GRID2IP: variants seen among roughly 807,000 people sequenced by gnomAD.
The protein encoded by GRID2IP is delphilin.
In GRID2IP, 78 loss-of-function variants were observed where a neutral mutation model predicts 114.3. The observed-to-expected ratio is 0.68, with a 90% CI of 0.57 to 0.82. The LOEUF is 0.82. GRID2IP is among the 40% of genes least tolerant of loss of function. GRID2IP has a pLI of 0.00. For synonymous variants in GRID2IP, 809 were observed against 724.0 expected (o/e 1.12, Z -1.89); for missense variants, 1,727 against 1,678.5 (o/e 1.03, Z -0.51).
intron 8 of GRID2IP, among the ~76,000 whole-genome samples, chr7:6,511,739 T>C (rs1304945166): frequency 6.6e-6 from 1 of 152,136 alleles, no homozygotes; most frequent in Non-Finnish European, 1.5e-5. Flanking sequence ...GATCCTGAGC[T>C]TCTCGCTAAA....
intron 1 of GRID2IP, among the ~76,000 whole-genome samples, chr7:6,544,143 C>T (rs1403999637): frequency 6.6e-6 from 1 of 152,066 alleles, no homozygotes; most frequent in African/African-American, 2.4e-5. Context: ...CACTTGCTTA[C>T]TGTCTCTTTC....
intron 2 of GRID2IP, among the ~76,000 whole-genome samples, chr7:6,535,527 TA>T (rs1779710616): frequency 6.6e-6 from 1 of 152,132 alleles, no homozygotes; most frequent in African/African-American, 2.4e-5. Flanking sequence ...CACACGTGTA[TA>T]TTTTTTTGCC....
chr7:6,545,088 A>G (rs1372620303), intron 1 of GRID2IP, among the ~76,000 whole-genome samples: 1 of 152,058 alleles, frequency 6.6e-6, no homozygotes, highest in Non-Finnish European at 1.5e-5. Context: ...CTCCATCTCA[A>G]AAGAAAAAAA....
At chr7:6,518,080 T>A (rs1311463985) in intron 7 of GRID2IP, among the ~76,000 whole-genome samples, 3 of 148,766 alleles carry the variant, frequency 2.0e-5, no homozygotes, top group Non-Finnish European at 4.5e-5. Context: ...AAAAAAAAAA[T>A]TAGCTGGGCA....
rs542474445 is a variant in GRID2IP at position 6,496,921 on chromosome 7, G to C, written c.*853C>G. 7.2e-5 allele frequency among the ~76,000 whole-genome samples: 11 copies of C among 152,102 alleles called. No homozygotes were observed. The South Asian group carries it at 2.1e-3, about 29-fold the overall frequency. ...CTATATGCCTAGGCACATGTAAAATGACCATTTGGGTCCCAAACACATCCC... is the reference window on the plus strand; with the variant it reads ...CTATATGCCTAGGCACATGTAAAATCACCATTTGGGTCCCAAACACATCCC... On this transcript the variant is annotated 3_prime_UTR_variant, in exon 22 of 22. Transcript: ENST00000457091.
At position 6,507,228 on chromosome 7, in the gene GRID2IP, G is replaced by C. The variant is rs112219350; in HGVS notation, c.2544+757C>G. 6.6e-6 allele frequency among the ~76,000 whole-genome samples: 1 copy of C among 152,216 alleles called. No individual in the cohort carries two copies. The highest frequency in any genetic ancestry group is 1.5e-5 in the Non-Finnish European group (1 of 68,036). On this transcript the variant is annotated intron_variant, in intron 13 of 21. Transcript: ENST00000457091. The surrounding 1 kb of genome is among the most constrained non-coding windows in gnomAD (Gnocchi z 5.3). ...GAAGGAGCCCCTGCCATATTAAAAG[G>C]AGTATGATGTCCCAGTCAAAGGAGC...
Position 6,503,106 on chromosome 7 carries a change from G to C in GRID2IP, c.2965C>G (p.Leu989Val), listed in dbSNP as rs1011611962. The C allele has an allele frequency of 4.6e-5, 72 of 1,550,594 alleles. No individual in the cohort carries two copies. The highest frequency in any genetic ancestry group is 7.9e-5 in the Admixed American group (4 of 50,806). The stretch of plus-strand genomic sequence containing the variant: ...CGGATCTCCTCTGTCTTCTCCTGGA[G>C]GGTGGCCTGGAAGTGGAGGCTGCGC... Reference protein sequence around the residue: ...RLRSLHFQATLQEKTEEIRGS... With the variant: ...RLRSLHFQATVQEKTEEIRGS... Residue 989 changes from leucine to valine, a missense_variant, in exon 17 of 22, where the codon CTC (leucine) becomes GTC (valine). Coordinates refer to ENST00000457091, the MANE Select transcript of GRID2IP (RefSeq NM_001145118.2).
rs1779406921 is a variant in GRID2IP at position 6,521,346 on chromosome 7, C to T, written c.1084+83G>A. 1.0e-6 allele frequency: 1 copy of T among 991,790 alleles called. No individual in the cohort carries two copies. The highest frequency in any genetic ancestry group is 1.6e-5 in the African/African-American group (1 of 61,482). The allele number at this position is 991,790 out of a possible 1,614,324, so 61.4% of individuals were successfully genotyped here. On this transcript the variant is annotated intron_variant, in intron 6 of 21. Coordinates refer to ENST00000457091, the MANE Select transcript of GRID2IP (RefSeq NM_001145118.2). The surrounding 1 kb of genome is among the most constrained non-coding windows in gnomAD (Gnocchi z 4.1). ...TGCAGGTTTAGGGGAAGAGCTGAGTCCTCCGCACTGTGACTCTCACATATA... is the reference window on the plus strand; with the variant it reads ...TGCAGGTTTAGGGGAAGAGCTGAGTTCTCCGCACTGTGACTCTCACATATA...
rs1306424266 is a variant in GRID2IP, at chr7:6,510,618, G to T, written c.1644C>A (p.Asn548Lys). ...GDGTSLPETP[N>K]PKMMSAVYAE... ...GCAGAGAAGGTCTCACCATCTTGGG[G>T]TTGGGGGTCTCAGGGAGGGACGTGC... The change falls in exon 10 of 22, where the codon AAC becomes AAA. Residue 548 changes from asparagine (N) to lysine (K), a missense_variant. Coordinates refer to ENST00000457091, the MANE Select transcript of GRID2IP (RefSeq NM_001145118.2). The T allele has an allele frequency of 3.2e-5, 49 of 1,536,470 alleles. No individual in the cohort carries two copies. Among genetic ancestry groups the T allele is most frequent in the Non-Finnish European group, 4.1e-5 (47 of 1,141,980 alleles).
intron 1 of GRID2IP, among the ~76,000 whole-genome samples, chr7:6,541,776 T>G (rs1044263779): frequency 3.9e-5 from 6 of 152,150 alleles, no homozygotes; most frequent in African/African-American, 1.4e-4. Flanking sequence ...TTGTTAAGTG[T>G]GTCCAAAGCC....
intron 2 of GRID2IP, among the ~76,000 whole-genome samples, chr7:6,539,171 C>G (rs563295595): frequency 1.3e-5 from 2 of 151,626 alleles, no homozygotes; most frequent in African/African-American, 4.8e-5. Flanking sequence ...CTCTGTCATC[C>G]AGGCTGGAGT....
Position 6,520,509 on chromosome 7 carries a change from G to A in GRID2IP, c.1268+69C>T. ...TGAGGAGGTTCAGGCAGGGAGACTGGGATGTGAGTCTAGGCAGGACTTAGG... is the reference window on the plus strand; with the variant it reads ...TGAGGAGGTTCAGGCAGGGAGACTGAGATGTGAGTCTAGGCAGGACTTAGG... On this transcript the variant is annotated intron_variant, in intron 7 of 21. Coordinates refer to ENST00000457091, the MANE Select transcript of GRID2IP (RefSeq NM_001145118.2). This position sits in a 1 kb window ranked among gnomAD's most constrained non-coding sequence, Gnocchi z 4.6. The A allele has an allele frequency of 1.4e-6, 2 of 1,441,360 alleles. No homozygotes were observed. The highest frequency in any genetic ancestry group is 1.9e-6 in the Non-Finnish European group (2 of 1,064,800). 89.3% of individuals were successfully genotyped at this position (1,441,360 alleles called of 1,614,324 possible). A position where few individuals can be genotyped will look rare whatever the true frequency, so the allele number is the denominator to read the frequency against.
At chr7:6,544,402 C>A (rs1386259618) in intron 1 of GRID2IP, among the ~76,000 whole-genome samples, 2 of 151,960 alleles carry the variant, frequency 1.3e-5, no homozygotes, top group African/African-American at 4.8e-5. Context: ...GCCTCACCCT[C>A]CTGAGTAGCT....
chr7:6,526,167 G>T lies in GRID2IP; in HGVS notation c.919+57C>A. The T allele has an allele frequency of 7.3e-7, 1 of 1,375,560 alleles. No individual in the cohort carries two copies. 85.2% of individuals were successfully genotyped at this position (1,375,560 alleles called of 1,614,324 possible). Reference sequence around the variant, plus strand: ...AATGACCCGGCAGAGCCACCACGGGGCCCTTCACCCCATCCTGGGCCTTAG... The same window carrying T: ...AATGACCCGGCAGAGCCACCACGGGTCCCTTCACCCCATCCTGGGCCTTAG... On this transcript the variant is annotated intron_variant, in intron 4 of 21. Coordinates refer to ENST00000457091, the MANE Select transcript of GRID2IP (RefSeq NM_001145118.2). This position sits in a 1 kb window ranked among gnomAD's most constrained non-coding sequence, Gnocchi z 7.6.
chr7:6,521,557 T>G lies in GRID2IP; in HGVS notation c.990-34A>C. 6.8e-7 allele frequency: 1 copy of G among 1,476,634 alleles called. No homozygotes were observed. Among genetic ancestry groups the G allele is most frequent in the South Asian group, 1.3e-5 (1 of 78,020 alleles). 91.5% of individuals were successfully genotyped at this position (1,476,634 alleles called of 1,614,324 possible). A position where few individuals can be genotyped will look rare whatever the true frequency, so the allele number is the denominator to read the frequency against. ...CAGAGATGGCCCAGGAGGGCCTGACTGGGGTGAGCCCTGTCCACGGCCACC... is the reference window on the plus strand; with the variant it reads ...CAGAGATGGCCCAGGAGGGCCTGACGGGGGTGAGCCCTGTCCACGGCCACC... On this transcript the variant is annotated intron_variant, in intron 5 of 21. Transcript: ENST00000457091. This position sits in a 1 kb window ranked among gnomAD's most constrained non-coding sequence, Gnocchi z 4.1.
chr7:6,545,603 C>G (rs945525028), intron 1 of GRID2IP, among the ~76,000 whole-genome samples: 3 of 152,184 alleles, frequency 2.0e-5, no homozygotes, highest in African/African-American at 7.2e-5. Flanking sequence ...GTTCTGTACA[C>G]GTCTGAATCC....
chr7:6,525,237 G>T (rs1401462772), intron 4 of GRID2IP, among the ~76,000 whole-genome samples: 1 of 151,956 alleles, frequency 6.6e-6, no homozygotes, highest in Admixed American at 6.6e-5. Context: ...CACCTGGGAG[G>T]CAGAGGCTGC....
chr7:6,531,813 C>T (rs923673565), intron 2 of GRID2IP, among the ~76,000 whole-genome samples: 2 of 152,134 alleles, frequency 1.3e-5, no homozygotes, highest in East Asian at 3.9e-4. Context: ...TTTTGGCACA[C>T]CAGGAGAGGG....
At chr7:6,501,012 C>T (rs1402537026) in intron 20 of GRID2IP, among the ~76,000 whole-genome samples, 1 of 152,212 alleles carries the variant, frequency 6.6e-6, no homozygotes, top group Non-Finnish European at 1.5e-5. Context: ...CTCAAAAGAG[C>T]TCTGGCTTCA....
Sources: allele counts gnomAD v4.1 joint callset (sites outside exome capture counted in the v4.1 genomes callset), GRCh38; gene constraint gnomAD v4.1.1; non-coding constraint Gnocchi (gnomAD v3.1); transcripts MANE v1.5; gene names NCBI Gene and HGNC (gene_info 2026-07-23, HGNC 2026-07-21).